Variants in ZNF540 observed in about 807,000 individuals in gnomAD.
The protein encoded by ZNF540 is CTD-3064H18.6.
In ZNF540, 3 loss-of-function variants were observed where a neutral mutation model predicts 11.8. The observed-to-expected ratio is 0.25, with a 90% CI of 0.12 to 0.65. The LOEUF is 0.65. Ranked by LOEUF, ZNF540 falls within the 30% of genes least tolerant of loss-of-function variation. The pLI, the probability that ZNF540 is intolerant of heterozygous loss-of-function variation, is 0.83. For missense variants in ZNF540, 709 were observed against 793.1 expected, an observed-to-expected ratio of 0.89 and a Z score of 1.27; for synonymous variants, 247 against 259.0, an observed-to-expected ratio of 0.95 and a Z score of 0.45.
chr19:37,592,341 G>A (rs968680764), upstream of ZNF540, among the ~76,000 whole-genome samples: 1 of 152,070 alleles, frequency 6.6e-6, no homozygotes, highest in Admixed American at 6.5e-5. Flanking sequence ...AATTTTTCAC[G>A]GTCATATCCC....
At chr19:37,584,003 A>T (rs772453215) in intron 1 of ZNF540, 1 of 1,612,984 alleles carries the variant, frequency 6.2e-7, no homozygotes, top group Non-Finnish European at 8.5e-7. Context: ...GTTCTCCAAC[A>T]TCACATCCCT....
At chr19:37,558,395 G>A (rs1054630519) in intron 1 of ZNF540, among the ~76,000 whole-genome samples, 14 of 152,020 alleles carry the variant, frequency 9.2e-5, no homozygotes, top group African/African-American at 2.2e-4. Flanking sequence ...GGCTATTTTC[G>A]GGGGCCGCTG....
At chr19:37,553,105 C>A (rs2042624682) in intron 1 of ZNF540, among the ~76,000 whole-genome samples, 2 of 75,418 alleles carry the variant, frequency 2.7e-5, no homozygotes, top group African/African-American at 9.9e-5. Context: ...TTTTATATAA[C>A]CTAACATCTT....
chr19:37,600,980 T>C (rs925271447), intron 3 of ZNF540, 30 bp from the exon 4 acceptor site: 46 of 1,514,270 alleles, frequency 3.0e-5, no homozygotes, highest in Non-Finnish European at 3.7e-5. Context: ...TTTATTTCTA[T>C]ATATTCTTTT....
chr19:37,574,922 C>G (rs1483938886), intron 1 of ZNF540, among the ~76,000 whole-genome samples: 1 of 152,166 alleles, frequency 6.6e-6, no homozygotes, highest in African/African-American at 2.4e-5. Context: ...GCTGTTATAC[C>G]TACAGAAACT....
At position 37,612,968 on chromosome 19, in the gene ZNF540, G is replaced by C. The variant is rs777107868; in HGVS notation, c.1688G>C (p.Arg563Pro). Reference protein sequence around the residue: ...CKECGKSFSRRGQFTEHQKIH... With the variant: ...CKECGKSFSRPGQFTEHQKIH... ...GAATGTGGGAAGTCCTTTAGTCGGC[G>C]TGGGCAGTTCACTGAACATCAGAAA... Residue 563 changes from arginine to proline, a missense_variant, in exon 5 of 5, where the codon CGT (arginine) becomes CCT (proline). Coordinates refer to ENST00000316433, the MANE Select transcript of ZNF540 (RefSeq NM_001172225.3). The C allele has an allele frequency of 6.2e-7, 1 of 1,614,044 alleles. No individual in the cohort carries two copies. Among genetic ancestry groups the C allele is most frequent in the Non-Finnish European group, 8.5e-7 (1 of 1,180,034 alleles).
chr19:37,563,195 G>GTGA (rs2042738102), intron 1 of ZNF540: 1 of 151,950 alleles, frequency 6.6e-6, no homozygotes, highest in African/African-American at 2.4e-5. Context: ...GCTAGGCATG[G>GTGA]TGATGAACAG....
intron 1 of ZNF540, among the ~76,000 whole-genome samples, chr19:37,581,117 G>GT (rs1179058682): frequency 6.6e-6 from 1 of 152,008 alleles, no homozygotes; most frequent in African/African-American, 2.4e-5. Context: ...GCCTTAAAAC[G>GT]TGAGACCCCC....
intron 1 of ZNF540, chr19:37,563,503 A>G (rs2042743019): frequency 6.6e-6 from 1 of 152,098 alleles, no homozygotes; most frequent in Non-Finnish European, 1.5e-5. Flanking sequence ...TATATATTTT[A>G]TACACACACA....
intron 1 of ZNF540, among the ~76,000 whole-genome samples, chr19:37,598,145 C>T (rs2044010547): frequency 6.6e-6 from 1 of 152,154 alleles, no homozygotes; most frequent in Non-Finnish European, 1.5e-5. Context: ...CCAGAACTCT[C>T]CTGCTGAAAT....
At chr19:37,605,031 T>C (rs2044072675) in intron 4 of ZNF540, among the ~76,000 whole-genome samples, 1 of 152,272 alleles carries the variant, frequency 6.6e-6, no homozygotes, top group Admixed American at 6.5e-5. Context: ...TTTATGAACA[T>C]CTAAGTTGTT....
At position 37,613,870 on chromosome 19, in the gene ZNF540, A is replaced by C; in HGVS notation, c.*607A>C. On this transcript the variant is annotated 3_prime_UTR_variant, in exon 5 of 5. Coordinates refer to ENST00000316433, the MANE Select transcript of ZNF540 (RefSeq NM_001172225.3). ...GATGGTATTTGAAGGTAGGGCCTTT[A>C]GGAGGAAATTAGGTCATGAGGGTGG... 2 of 398,586 alleles carry C rather than the reference A, an allele frequency of 5.0e-6. No homozygotes were observed. Among genetic ancestry groups the C allele is most frequent in the Non-Finnish European group, 8.8e-6 (2 of 226,062 alleles). The allele number at this position is 398,586 out of a possible 1,614,324, so 24.7% of individuals were successfully genotyped here.
rs564539560 is a variant in ZNF540 at position 37,556,376 on chromosome 19, G to A, written c.-73+4711G>A. On this transcript the variant is annotated intron_variant, in intron 1 of 4. Coordinates refer to the ZNF540 transcript ENST00000592533. The stretch of plus-strand genomic sequence containing the variant: ...CTGACTTAGGTGCAGTTTTAAAGGG[G>A]CCTGACCCAGGCCTGGGGACCCATG... Among the ~76,000 whole-genome samples, 4 of 152,316 alleles carry A rather than the reference G, an allele frequency of 2.6e-5. No individual in the cohort carries two copies. The East Asian group carries it at 5.8e-4, about 22-fold the overall frequency.
intron 1 of ZNF540, chr19:37,586,490 A>T (rs2043677178): frequency 3.0e-6 from 2 of 661,728 alleles, no homozygotes; most frequent in Non-Finnish European, 5.3e-6. Context: ...CTGTTTGGAG[A>T]GGGGAAAAGC....
At chr19:37,605,871 G>A (rs2044081603) in intron 4 of ZNF540, among the ~76,000 whole-genome samples, 1 of 151,930 alleles carries the variant, frequency 6.6e-6, no homozygotes, top group African/African-American at 2.4e-5. Context: ...TTTCTCCTTT[G>A]GTAAAAAGTG....
In ZNF540 at chr19:37,595,057, A is replaced by C. The variant is rs1029141376; in HGVS notation, c.-111A>C. The C allele has an allele frequency of 1.3e-5, 2 of 152,144 alleles. No homozygotes were observed. Among genetic ancestry groups the C allele is most frequent in the African/African-American group, 2.4e-5 (1 of 41,426 alleles). 9.4% of individuals were successfully genotyped at this position (152,144 alleles called of 1,614,324 possible). A position where few individuals can be genotyped will look rare whatever the true frequency, so the allele number is the denominator to read the frequency against. On this transcript the variant is annotated 5_prime_UTR_variant, in exon 1 of 5. An upstream start codon of the reference 5' UTR is lost. Transcript: ENST00000316433. ...GTCTTGCCGTGGTGCCTTCAGGGGA[A>C]TGTCATCCCGGGCTAGAAGAGCTGC...
At chr19:37,577,089 A>G (rs1169059735) in intron 1 of ZNF540, among the ~76,000 whole-genome samples, 1 of 152,204 alleles carries the variant, frequency 6.6e-6, no homozygotes, top group Non-Finnish European at 1.5e-5. Context: ...TAATTAAAGA[A>G]CATTCCATTT....
chr19:37,603,687 C>T (rs2044058340), intron 4 of ZNF540, among the ~76,000 whole-genome samples: 1 of 152,100 alleles, frequency 6.6e-6, no homozygotes, highest in Non-Finnish European at 1.5e-5. Flanking sequence ...TAACAGTTAA[C>T]ATTGATTATT....
At position 37,564,722 on chromosome 19, in the gene ZNF540, C is replaced by T. The variant is rs191407797; in HGVS notation, c.-73+13057C>T. Reference sequence around the variant, plus strand: ...TTGATGCAGAGTAAGTTCTGAGCCACGACTAAAGGCCCTCCCACATTCCTT... The same window carrying T: ...TTGATGCAGAGTAAGTTCTGAGCCATGACTAAAGGCCCTCCCACATTCCTT... On this transcript the variant is annotated intron_variant, in intron 1 of 4. Transcript: ENST00000592533. The T allele has an allele frequency of 5.9e-5, 96 of 1,613,576 alleles. No individual in the cohort carries two copies. The highest frequency in any genetic ancestry group is 1.3e-4 in the East Asian group (6 of 44,870).
Sources: gnomAD v4.1 joint callset for allele counts (sites outside exome capture counted in the v4.1 genomes callset) on GRCh38, gnomAD v4.1.1 for gene constraint, MANE v1.5 for transcripts, NCBI Gene and HGNC (gene_info 2026-07-23, HGNC 2026-07-21) for gene names.